The following NEBL variants were observed in gnomAD, a reference collection of about 807,000 sequenced individuals.
NEBL encodes LIM and SH3 protein 2.
In NEBL, 122 loss-of-function variants were observed where a neutral mutation model predicts 140.2. The observed-to-expected ratio is 0.87, with a 90% CI of 0.75 to 1.01. NEBL has a LOEUF of 1.01. Ranked by LOEUF, NEBL falls within the 50% of genes least tolerant of loss-of-function variation. The pLI is 0.00. For missense variants in NEBL, 1,365 were observed against 1,231.3 expected (o/e 1.11, Z -1.62); for synonymous variants, 436 against 398.9 (o/e 1.09, Z -1.11).
intron 2 of NEBL, among the ~76,000 whole-genome samples, chr10:21,133,228 C>T (rs949404067): frequency 6.6e-6 from 1 of 152,172 alleles, no homozygotes; most frequent in African/African-American, 2.4e-5. Context: ...CTGCAGCCCT[C>T]ACACCATTTA....
chr10:20,919,846 A>G (rs1833495326), intron 4 of NEBL, among the ~76,000 whole-genome samples: 1 of 152,230 alleles, frequency 6.6e-6, no homozygotes, highest in African/African-American at 2.4e-5. Flanking sequence ...ATAAAAATGA[A>G]TAATAATCTA....
intron 3 of NEBL, among the ~76,000 whole-genome samples, chr10:20,987,395 A>G (rs1255240437): frequency 6.6e-6 from 1 of 151,852 alleles, no homozygotes; most frequent in Non-Finnish European, 1.5e-5. Flanking sequence ...TGGATGACAC[A>G]CCCATTACTC....
At chr10:21,209,709 C>T (rs1178594588) in intron 3 of NEBL, among the ~76,000 whole-genome samples, 1 of 146,224 alleles carries the variant, frequency 6.8e-6, no homozygotes, top group Non-Finnish European at 1.5e-5. Flanking sequence ...TCCTGGAGGA[C>T]CAGGAGCCAT....
chr10:21,105,789 T>C (rs186327836), intron 2 of NEBL, among the ~76,000 whole-genome samples: 15 of 152,248 alleles, frequency 9.9e-5, no homozygotes, highest in Admixed American at 3.9e-4. Context: ...TTGAACTAAT[T>C]TATACTCCCA....
intron 3 of NEBL, among the ~76,000 whole-genome samples, chr10:21,228,439 C>G (rs1842201771): frequency 6.6e-6 from 1 of 152,160 alleles, no homozygotes; most frequent in Non-Finnish European, 1.5e-5. Flanking sequence ...CAGGCATGAG[C>G]AACTGTGCCT....
chr10:21,060,816 C>G (rs944768004), intron 2 of NEBL, among the ~76,000 whole-genome samples: 1 of 152,010 alleles, frequency 6.6e-6, no homozygotes, highest in Non-Finnish European at 1.5e-5. Flanking sequence ...TCAATCCAAC[C>G]GTCAATCTTC....
intron 2 of NEBL, among the ~76,000 whole-genome samples, chr10:21,101,493 T>A (rs1457740650): frequency 6.6e-6 from 1 of 152,192 alleles, no homozygotes; most frequent in South Asian, 2.1e-4. Flanking sequence ...GTGAAACATC[T>A]GGACAAAGGC....
At chr10:21,245,009 T>A (rs1447791284) in intron 3 of NEBL, among the ~76,000 whole-genome samples, 2 of 148,362 alleles carry the variant, frequency 1.3e-5, no homozygotes, top group African/African-American at 2.5e-5. Flanking sequence ...AAAAAAAAAA[T>A]TTAATTAGCC....
At chr10:20,811,325 C>T (rs959637708) in intron 24 of NEBL, among the ~76,000 whole-genome samples, 2 of 152,172 alleles carry the variant, frequency 1.3e-5, no homozygotes, top group East Asian at 1.9e-4. Context: ...TCATTCCTGA[C>T]CTCTGATGTG....
At chr10:20,889,981 A>C (rs1201598063) in intron 2 of NEBL, 32 bp from the exon 3 acceptor site, 1 of 1,412,430 alleles carries the variant, frequency 7.1e-7, no homozygotes, top group African/African-American at 1.4e-5. Flanking sequence ...ATAAGAAGAG[A>C]AAAAGAAAAA....
chr10:20,913,635 T>C (rs1266824179), intron 4 of NEBL, among the ~76,000 whole-genome samples: 10 of 152,218 alleles, frequency 6.6e-5, no homozygotes, highest in Admixed American at 6.5e-4. Flanking sequence ...TGTTAAATTT[T>C]ATCAGCTGCT....
intron 18 of NEBL, 40 bp downstream of exon 18, chr10:20,826,407 T>C: frequency 6.6e-7 from 1 of 1,507,490 alleles, no homozygotes. Flanking sequence ...TAGTTTTGGT[T>C]TGCTTTTAGA....
chr10:20,952,003 G>A (rs1308694202), intron 4 of NEBL, among the ~76,000 whole-genome samples: 3 of 152,080 alleles, frequency 2.0e-5, no homozygotes, highest in Non-Finnish European at 4.4e-5. Flanking sequence ...GCTAGCACGG[G>A]ACATGTGAAG....
chr10:20,980,189 G>A (rs1836976884), intron 3 of NEBL, among the ~76,000 whole-genome samples: 1 of 152,066 alleles, frequency 6.6e-6, no homozygotes, highest in African/African-American at 2.4e-5. Context: ...CTATACAGAA[G>A]TATACAGTGT....
chr10:20,857,702 A>C (rs1010373113), intron 9 of NEBL, among the ~76,000 whole-genome samples: 3 of 152,190 alleles, frequency 2.0e-5, no homozygotes, highest in African/African-American at 7.2e-5. Flanking sequence ...TATTTTCATC[A>C]AGACATGAAG....
At position 21,169,057 on chromosome 10, in the gene NEBL, AAAAAAAAAAAATATATATATATAT is replaced by A. The variant is rs1391348707; in HGVS notation, c.164+3302_164+3325del. Among the ~76,000 whole-genome samples, 5 of 43,656 alleles carry A rather than the reference AAAAAAAAAAAATATATATATATAT, an allele frequency of 1.1e-4. 1 individual carries two copies. The highest frequency in any genetic ancestry group is 0.021 in the Middle Eastern group (2 of 96). 28.6% of individuals were successfully genotyped at this position (43,656 alleles called of 152,430 possible). On this transcript the variant is annotated intron_variant, in intron 2 of 6. Transcript: ENST00000417816. The stretch of plus-strand genomic sequence containing the variant: ...GAGTGAGACTCCGTCTACAAAAAAA[AAAAAAAAAAAATATATATATATAT>A]ATATATATATATATATATATATATA...
chr10:20,936,103 C>A (rs143038646), intron 4 of NEBL, among the ~76,000 whole-genome samples: 1,649 of 152,218 alleles, frequency 0.011, 30 homozygotes, highest in African/African-American at 0.038. Flanking sequence ...ATTTCCATGC[C>A]AAAATCTTTC....
chr10:21,251,458 C>G (rs1372004138), intron 2 of NEBL, among the ~76,000 whole-genome samples: 1 of 152,058 alleles, frequency 6.6e-6, no homozygotes, highest in Non-Finnish European at 1.5e-5. Flanking sequence ...TTTTCTCAGG[C>G]TATGTAGTAG....
chr10:20,794,207 G>T (rs541723970), intron 26 of NEBL, among the ~76,000 whole-genome samples: 1 of 152,290 alleles, frequency 6.6e-6, no homozygotes, highest in African/African-American at 2.4e-5. Flanking sequence ...AGGACCTGGC[G>T]GTCATCAGCT....
Sources: gnomAD v4.1 joint callset for allele counts (sites outside exome capture counted in the v4.1 genomes callset) on GRCh38, gnomAD v4.1.1 for gene constraint, MANE v1.5 for transcripts, NCBI Gene and HGNC (gene_info 2026-07-23, HGNC 2026-07-21) for gene names.